The following NEK6 variants were observed in gnomAD, a reference collection of about 807,000 sequenced individuals.
NEK6 encodes the protein serine/threonine-protein kinase Nek6.
Under a neutral mutation model 43.5 loss-of-function variants are expected in NEK6, and 27 were observed. The ratio of observed to expected loss-of-function variants is 0.62; its 90% CI spans 0.46 to 0.86. The LOEUF is 0.86. Among genes scored for constraint, NEK6 ranks in the 40% least tolerant of loss-of-function variants. The pLI, the probability that NEK6 is intolerant of heterozygous loss-of-function variation, is 0.00. For synonymous variants in NEK6, 167 were observed against 164.1 expected (o/e 1.02, Z -0.14); for missense variants, 318 against 414.4 (o/e 0.77, Z 2.02).
intron 7 of NEK6, among the ~76,000 whole-genome samples, chr9:124,334,192 G>A (rs1210356554): frequency 3.9e-5 from 6 of 152,192 alleles, no homozygotes; most frequent in African/African-American, 1.4e-4. Flanking sequence ...GCAGGGTCAA[G>A]GCTCAGTTAA....
Position 124,343,072 on chromosome 9 carries a change from C to T in NEK6, c.717+3407C>T, listed in dbSNP as rs997493956. On this transcript the variant is annotated intron_variant, in intron 8 of 9. Transcript: ENST00000320246. This position sits in a 1 kb window ranked among gnomAD's most constrained non-coding sequence, Gnocchi z 5.1. ...AATTCTGGCTCGGGCAGTCCTCCTC[C>T]GAGTCCTCATTTGTGGGCACCTAAA... 4.6e-5 allele frequency among the ~76,000 whole-genome samples: 7 copies of T among 152,182 alleles called. No homozygotes were observed. Among genetic ancestry groups the T allele is most frequent in the Non-Finnish European group, 7.4e-5 (5 of 68,024 alleles).
chr9:124,296,757 C>T (rs955418896), intron 1 of NEK6, among the ~76,000 whole-genome samples: 14 of 152,180 alleles, frequency 9.2e-5, no homozygotes, highest in African/African-American at 9.7e-5. Flanking sequence ...CTTCACTGGC[C>T]GGGCCACGAT....
Position 124,312,547 on chromosome 9 carries a change from G to A in NEK6, c.129G>A (p.Ala43=), listed in dbSNP as rs754993371. The A allele has an allele frequency of 2.3e-5, 37 of 1,614,000 alleles. No individual in the cohort carries two copies. Among genetic ancestry groups the A allele is most frequent in the South Asian group, 3.3e-5 (3 of 91,088 alleles). ...CGCTGTCTTTTCGCTGCTCGCTGGC[G>A]GACTTCCAGATCGAAAAGAAGATAG... ...PNTLSFRCSL[A]DFQIEKKIGR... The change falls in exon 3 of 10, where the codon GCG becomes GCA. Residue 43 remains alanine (A), a synonymous_variant. Coordinates refer to ENST00000320246, the MANE Select transcript of NEK6 (RefSeq NM_014397.6).
chr9:124,326,572 C>A lies in NEK6; in HGVS notation c.514+134C>A. On this transcript the variant is annotated intron_variant, in intron 6 of 9. Coordinates refer to ENST00000320246, the MANE Select transcript of NEK6 (RefSeq NM_014397.6). This position sits in a 1 kb window ranked among gnomAD's most constrained non-coding sequence, Gnocchi z 4.5. ...GCTCTGTATTCCCCAGGCAAGGGGG[C>A]TGCCCAGCAACCGCGCACACACACG... The A allele has an allele frequency of 1.5e-6, 1 of 663,218 alleles. No individual in the cohort carries two copies. Among genetic ancestry groups the A allele is most frequent in the Admixed American group, 2.4e-5 (1 of 42,086 alleles). The allele number at this position is 663,218 out of a possible 1,614,324, so 41.1% of individuals were successfully genotyped here. A position where few individuals can be genotyped will look rare whatever the true frequency, so the allele number is the denominator to read the frequency against.
intron 1 of NEK6, among the ~76,000 whole-genome samples, chr9:124,278,177 C>A (rs1236405674): frequency 6.6e-6 from 1 of 152,148 alleles, no homozygotes; most frequent in South Asian, 2.1e-4. Flanking sequence ...AGGTGTGTAG[C>A]CCAGGAGTGA....
chr9:124,305,537 G>C (rs1193569732), intron 2 of NEK6, among the ~76,000 whole-genome samples: 3 of 142,822 alleles, frequency 2.1e-5, no homozygotes, highest in East Asian at 2.1e-4. Context: ...CTGGGCAACA[G>C]AGTGAGACCC....
At position 124,346,089 on chromosome 9, in the gene NEK6, G is replaced by A. The variant is rs117536180; in HGVS notation, c.718-1620G>A. Among the ~76,000 whole-genome samples the A allele has an allele frequency of 5.5e-3, 844 of 152,272 alleles. 5 individuals are homozygous for A. Among genetic ancestry groups the A allele is most frequent in the Non-Finnish European group, 0.01 (682 of 67,988 alleles). On this transcript the variant is annotated intron_variant, in intron 8 of 9. Coordinates refer to ENST00000320246, the MANE Select transcript of NEK6 (RefSeq NM_014397.6). Reference sequence around the variant, plus strand: ...GAGGGGCCCAAGCTCCCAGCCAGCCGGAAGACAGAGGTGATGCTGTCCCTA... The same window carrying A: ...GAGGGGCCCAAGCTCCCAGCCAGCCAGAAGACAGAGGTGATGCTGTCCCTA...
intron 1 of NEK6, chr9:124,292,405 T>C (rs1048943538): frequency 6.5e-7 from 1 of 1,527,730 alleles, no homozygotes; most frequent in African/African-American, 1.4e-5. Context: ...AAAGCAATTC[T>C]TTCTCTAGGG....
chr9:124,260,172 A>G lies in NEK6; in HGVS notation c.-30+2087A>G, dbSNP rs569266554. 2.4e-4 allele frequency among the ~76,000 whole-genome samples: 37 copies of G among 152,284 alleles called. No individual in the cohort carries two copies. In the East Asian group the frequency reaches 3.7e-3, roughly 15 times the overall value. Reference sequence around the variant, plus strand: ...TCCGAAGTCACCTGCCCAGCCTCACAGCCTTTCCTCTTTCCATTGCACTTG... The same window carrying G: ...TCCGAAGTCACCTGCCCAGCCTCACGGCCTTTCCTCTTTCCATTGCACTTG... On this transcript the variant is annotated intron_variant, in intron 1 of 9. Coordinates refer to ENST00000320246, the MANE Select transcript of NEK6 (RefSeq NM_014397.6).
At chr9:124,312,184 G>A (rs992257310) in intron 2 of NEK6, among the ~76,000 whole-genome samples, 2 of 152,240 alleles carry the variant, frequency 1.3e-5, no homozygotes, top group African/African-American at 2.4e-5. Context: ...GGCAACGCCC[G>A]TGGTCCCACG....
At chr9:124,349,756 C>A (rs185228219) in intron 9 of NEK6, among the ~76,000 whole-genome samples, 1 of 152,172 alleles carries the variant, frequency 6.6e-6, no homozygotes, top group Non-Finnish European at 1.5e-5. Flanking sequence ...AGGTACCTTC[C>A]CCCGAATATT....
intron 9 of NEK6, among the ~76,000 whole-genome samples, 191 bp downstream of exon 9, chr9:124,348,013 G>A (rs563744105): frequency 2.6e-5 from 4 of 152,350 alleles, no homozygotes; most frequent in Non-Finnish European, 5.9e-5. Flanking sequence ...GTTTCACCAC[G>A]CAGCTCCAGT....
intron 1 of NEK6, among the ~76,000 whole-genome samples, chr9:124,287,499 T>C (rs556706378): frequency 6.6e-6 from 1 of 152,340 alleles, no homozygotes; most frequent in Admixed American, 6.5e-5. Flanking sequence ...CTCCCTATGA[T>C]AGTGTGGACA....
At chr9:124,261,329 G>A (rs1298221625) in intron 1 of NEK6, 1 of 907,788 alleles carries the variant, frequency 1.1e-6, no homozygotes, top group Non-Finnish European at 1.3e-6. Flanking sequence ...TAAGGGAAGT[G>A]TCAAAACAAT....
chr9:124,281,502 T>C (rs920880889), intron 1 of NEK6, among the ~76,000 whole-genome samples: 43 of 141,932 alleles, frequency 3.0e-4, no homozygotes, highest in African/African-American at 1.0e-3. Context: ...TTTTTTTTTT[T>C]TTTTTTTTTT....
intron 1 of NEK6, chr9:124,292,533 A>C: frequency 6.5e-7 from 1 of 1,536,842 alleles, no homozygotes; most frequent in South Asian, 1.2e-5. Flanking sequence ...CTCGCCTGGG[A>C]CCCAGGGTGA....
chr9:124,312,826 A>T (rs974852808), intron 3 of NEK6, among the ~76,000 whole-genome samples, 177 bp downstream of exon 3: 1 of 152,218 alleles, frequency 6.6e-6, no homozygotes, highest in African/African-American at 2.4e-5. Context: ...TTCACTGTGA[A>T]CTGCAAAGGA....
chr9:124,262,922 A>C (rs1209005855), intron 1 of NEK6: 1 of 152,254 alleles, frequency 6.6e-6, no homozygotes, highest in East Asian at 1.9e-4. Flanking sequence ...CTTCAGAATT[A>C]GGCTGAGGCT....
At chr9:124,317,072 A>G (rs1407995812) in intron 4 of NEK6, among the ~76,000 whole-genome samples, 1 of 152,206 alleles carries the variant, frequency 6.6e-6, no homozygotes, top group Non-Finnish European at 1.5e-5. Flanking sequence ...CCCACGCCGT[A>G]GGTCATGTCT....
Sources: allele counts gnomAD v4.1 joint callset (sites outside exome capture counted in the v4.1 genomes callset), GRCh38; gene constraint gnomAD v4.1.1; non-coding constraint Gnocchi (gnomAD v3.1); transcripts MANE v1.5; gene names NCBI Gene and HGNC (gene_info 2026-07-23, HGNC 2026-07-21).